Variants in SCAMP1 observed in about 807,000 individuals in gnomAD.
SCAMP1 encodes secretory carrier-associated membrane protein 1.
In SCAMP1, 15 loss-of-function variants were observed where a neutral mutation model predicts 41.8. The ratio of observed to expected loss-of-function variants is 0.36; its 90% confidence interval spans 0.24 to 0.55. SCAMP1 has a LOEUF of 0.55. Among genes scored for constraint, SCAMP1 ranks in the 20% least tolerant of loss-of-function variants. The pLI, the probability that SCAMP1 is intolerant of heterozygous loss-of-function variation, is 0.86. For synonymous variants in SCAMP1, 135 were observed against 136.8 expected (o/e 0.99, Z 0.09); for missense variants, 341 against 412.6 (o/e 0.83, Z 1.50).
intron 8 of SCAMP1, among the ~76,000 whole-genome samples, chr5:78,462,273 A>C (rs996586677): frequency 1.3e-5 from 2 of 150,902 alleles, no homozygotes; most frequent in Non-Finnish European, 3.0e-5. Flanking sequence ...CTCAGCTTGA[A>C]CGTTGTTGGT....
intron 4 of SCAMP1, 89 bp from the exon 5 acceptor site, chr5:78,418,686 A>G (rs1159582407): frequency 1.2e-6 from 1 of 825,608 alleles, no homozygotes; most frequent in Non-Finnish European, 1.9e-6. Context: ...TGTTAACATA[A>G]TAGAGTTTTT....
intron 2 of SCAMP1, among the ~76,000 whole-genome samples, chr5:78,406,056 A>G (rs1005529204): frequency 1.3e-5 from 2 of 152,234 alleles, no homozygotes; most frequent in Admixed American, 1.3e-4. Flanking sequence ...AAAGCTGCAG[A>G]AAGTTTCAGG....
rs188200710 is a variant in SCAMP1 at position 78,451,888 on chromosome 5, C to T, written c.734+1854C>T. 5.3e-5 allele frequency among the ~76,000 whole-genome samples: 8 copies of T among 152,298 alleles called. No individual in the cohort carries two copies. In the East Asian group the frequency reaches 1.5e-3, roughly 29 times the overall value. On this transcript the variant is annotated intron_variant, in intron 7 of 8. Transcript: ENST00000621999. ...CAGGCAGGTCTTGAAGTCCTGGCCT[C>T]GTGTGATCTGCCCGCCTCAGCCTTC...
intron 3 of SCAMP1, 150 bp from the exon 4 acceptor site, chr5:78,416,391 C>A: frequency 3.8e-6 from 2 of 530,008 alleles, no homozygotes; most frequent in Non-Finnish European, 6.4e-6. Context: ...ATAATATTTT[C>A]TGTAACTATG....
rs1463869821 is a variant in SCAMP1 at position 78,455,748 on chromosome 5, T to C, written c.735-3497T>C. ...AATTCCTGGGTATCCTTATTGACTT[T>C]CTGTCTTGTTGATCTGTCTAATGTT... On this transcript the variant is annotated intron_variant, in intron 7 of 8. Transcript: ENST00000621999. Among the ~76,000 whole-genome samples the C allele has an allele frequency of 5.3e-3, 735 of 138,078 alleles. 11 individuals carry two copies. The highest frequency in any genetic ancestry group is 0.019 in the African/African-American group (698 of 36,224). 90.6% of individuals were successfully genotyped at this position (138,078 alleles called of 152,430 possible).
At position 78,426,461 on chromosome 5, in the gene SCAMP1, A is replaced by C. The variant is rs1752473057; in HGVS notation, c.632+4501A>C. ...TGGCCTTGCCAGCATCTGTTTCCTG[A>C]TCTTTTAATAATCACCATTTTAACT... On this transcript the variant is annotated intron_variant, in intron 6 of 8. Transcript: ENST00000621999. Among the ~76,000 whole-genome samples, 3 of 152,108 alleles carry C rather than the reference A, an allele frequency of 2.0e-5. No individual in the cohort carries two copies. In the South Asian group the frequency reaches 6.2e-4, roughly 32 times the overall value.
At chr5:78,398,305 T>C (rs538777548) in intron 2 of SCAMP1, among the ~76,000 whole-genome samples, 3 of 151,512 alleles carry the variant, frequency 2.0e-5, no homozygotes, top group East Asian at 3.9e-4. Context: ...TGAATCTATA[T>C]TGACACACCA....
chr5:78,447,848 T>TCCCTCCTCCTCTC (rs1709606561), intron 6 of SCAMP1, among the ~76,000 whole-genome samples: 2 of 71,868 alleles, frequency 2.8e-5, no homozygotes, highest in Non-Finnish European at 5.2e-5. Context: ...TTCTTTCCCC[T>TCCCTCCTCCTCTC]CCCTCCTCCC....
At chr5:78,376,246 C>T (rs1751062379) in intron 1 of SCAMP1, among the ~76,000 whole-genome samples, 1 of 152,034 alleles carries the variant, frequency 6.6e-6, no homozygotes, top group African/African-American at 2.4e-5. Context: ...GTGGGTTCCC[C>T]CGATATATAA....
chr5:78,423,773 T>G lies in SCAMP1; in HGVS notation c.632+1813T>G, dbSNP rs566897183. On this transcript the variant is annotated intron_variant, in intron 6 of 8. Transcript: ENST00000621999. ...TCCCTAGGCTGAGTTTTTAGCTGCATCTCAGTCTTTTAGAGTATATACAAA... is the reference window on the plus strand; with the variant it reads ...TCCCTAGGCTGAGTTTTTAGCTGCAGCTCAGTCTTTTAGAGTATATACAAA... Among the ~76,000 whole-genome samples, 56 of 152,278 alleles carry G rather than the reference T, an allele frequency of 3.7e-4. 1 individual carries two copies. The highest frequency in any genetic ancestry group is 1.3e-3 in the African/African-American group (53 of 41,560).
rs565039146 is a variant in SCAMP1 at position 78,384,620 on chromosome 5, G to A, written c.58-4217G>A. On this transcript the variant is annotated intron_variant, in intron 1 of 8. Coordinates refer to ENST00000621999, the MANE Select transcript of SCAMP1 (RefSeq NM_004866.6). ...CATAGATGGCTTTTATTACCTTAAG[G>A]TATGTCCCTTTTATGCCGATTTTGC... 8.5e-5 allele frequency among the ~76,000 whole-genome samples: 13 copies of A among 152,094 alleles called. No individual in the cohort carries two copies. In the South Asian group the frequency reaches 2.7e-3, roughly 32 times the overall value.
intron 8 of SCAMP1, among the ~76,000 whole-genome samples, chr5:78,463,120 A>G (rs557006606): frequency 1.2e-4 from 18 of 152,206 alleles, no homozygotes; most frequent in African/African-American, 4.1e-4. Context: ...TATTTTCTCT[A>G]TTTGAAATTT....
rs1017821555 is a variant in SCAMP1 at position 78,457,013 on chromosome 5, C to T, written c.735-2232C>T. On this transcript the variant is annotated intron_variant, in intron 7 of 8. Transcript: ENST00000621999. ...GCTTCTGCATTCTTCACGTAGTTCT[C>T]GAGCCTTGGTTTTCAGCTCCATCAG... Among the ~76,000 whole-genome samples, 21 of 129,200 alleles carry T rather than the reference C, an allele frequency of 1.6e-4. No homozygotes were observed. The South Asian group carries it at 5.3e-3, about 33-fold the overall frequency. The allele number at this position is 129,200 out of a possible 152,430, so 84.8% of individuals were successfully genotyped here. A position where few individuals can be genotyped will look rare whatever the true frequency, so the allele number is the denominator to read the frequency against.
intron 1 of SCAMP1, among the ~76,000 whole-genome samples, chr5:78,365,994 T>C (rs1336752677): frequency 6.6e-6 from 1 of 152,036 alleles, no homozygotes; most frequent in Non-Finnish European, 1.5e-5. Context: ...CAACAGAAAT[T>C]TATTGCCCAG....
intron 2 of SCAMP1, among the ~76,000 whole-genome samples, chr5:78,411,329 GTT>G (rs1752069803): frequency 6.6e-6 from 1 of 152,100 alleles, no homozygotes; most frequent in African/African-American, 2.4e-5. Flanking sequence ...ATTAGCCTTA[GTT>G]TTTCTGCCCA....
chr5:78,419,996 A>T (rs1309416149), intron 5 of SCAMP1, among the ~76,000 whole-genome samples: 1 of 152,184 alleles, frequency 6.6e-6, no homozygotes, highest in Non-Finnish European at 1.5e-5. Flanking sequence ...TTTAATCAAT[A>T]TAATATATGC....
chr5:78,418,654 T>C, intron 4 of SCAMP1, 121 bp from the exon 5 acceptor site: 1 of 672,526 alleles, frequency 1.5e-6, no homozygotes, highest in South Asian at 2.2e-5. Flanking sequence ...AAAGATATAG[T>C]TCTACAGTTT....
intron 2 of SCAMP1, among the ~76,000 whole-genome samples, chr5:78,407,534 T>C (rs1751963202): frequency 6.6e-6 from 1 of 152,090 alleles, no homozygotes. Flanking sequence ...ATCTGAGTGT[T>C]ACTATTTTTA....
intron 1 of SCAMP1, among the ~76,000 whole-genome samples, chr5:78,380,822 T>C (rs1189196161): frequency 2.6e-5 from 4 of 152,166 alleles, no homozygotes; most frequent in African/African-American, 9.7e-5. Flanking sequence ...TCCCAGCACT[T>C]TGGGAGGCCG....
Sources: gnomAD v4.1 joint callset for allele counts (sites outside exome capture counted in the v4.1 genomes callset) on GRCh38, gnomAD v4.1.1 for gene constraint, MANE v1.5 for transcripts, NCBI Gene and HGNC (gene_info 2026-07-23, HGNC 2026-07-21) for gene names.